Variants in ERICH1 observed in about 807,000 individuals in gnomAD.
The protein encoded by ERICH1 is glutamate-rich protein 1.
A neutral mutation model predicts 39.6 loss-of-function variants in ERICH1; 56 were observed. The ratio of observed to expected loss-of-function variants is 1.41; its 90% CI spans 1.14 to 1.77. The LOEUF (loss-of-function observed/expected upper bound fraction) is 1.77, where lower values mean the gene tolerates loss of function less well. Among genes scored for constraint, ERICH1 ranks in the 40% most tolerant of loss-of-function variants. The pLI is 0.00. For missense variants in ERICH1, 826 were observed against 575.4 expected (o/e 1.44, Z -4.45); for synonymous variants, 313 against 223.6 (o/e 1.40, Z -3.57).
intron 3 of ERICH1, among the ~76,000 whole-genome samples, chr8:687,391 C>T (rs917696706): frequency 1.3e-5 from 2 of 152,260 alleles, no homozygotes; most frequent in African/African-American, 2.4e-5. Flanking sequence ...GGATAAGGCT[C>T]CTCGGGGAAT....
downstream of ERICH1, among the ~76,000 whole-genome samples, chr8:660,814 C>CCTGTGCGAG (rs1801319372): frequency 6.6e-6 from 1 of 152,186 alleles, no homozygotes; most frequent in Admixed American, 6.5e-5. Flanking sequence ...GCTGCTTCCA[C>CCTGTGCGAG]CTGTGCTCCC....
At chr8:660,265 G>C (rs1201707752), downstream of ERICH1, among the ~76,000 whole-genome samples, 1 of 152,262 alleles carries the variant, frequency 6.6e-6, no homozygotes, top group Non-Finnish European at 1.5e-5. Flanking sequence ...CCTGTGATGA[G>C]GCTTGGCAGT....
At position 616,954 on chromosome 8, in the gene ERICH1, CAG is replaced by C. The variant is rs1326783895; in HGVS notation, c.977-1672_977-1671del. On this transcript the variant is annotated intron_variant, in intron 3 of 3. Coordinates refer to the ERICH1 transcript ENST00000522706. ...ACAGAGAGAGAGAGGGAGAGGGAGA[CAG>C]AGACACACAGAGAGAGAGAGAGAGA... Among the ~76,000 whole-genome samples the C allele has an allele frequency of 3.4e-3, 44 of 12,846 alleles. 15 individuals are homozygous for C. In the African/African-American group the frequency reaches 0.045, roughly 13 times the overall value. The allele number at this position is 12,846 out of a possible 152,430, so 8.4% of individuals were successfully genotyped here.
chr8:691,790 A>G (rs561669345), intron 3 of ERICH1, among the ~76,000 whole-genome samples: 5 of 152,340 alleles, frequency 3.3e-5, no homozygotes, highest in African/African-American at 1.2e-4. Flanking sequence ...TGTTTATAAT[A>G]TAGAGTTTCT....
intron 3 of ERICH1, among the ~76,000 whole-genome samples, chr8:620,009 G>A (rs1219557845): frequency 1.3e-5 from 2 of 152,112 alleles, no homozygotes; most frequent in Admixed American, 6.5e-5. Flanking sequence ...GGAATAATAA[G>A]GACATATACA....
At chr8:690,249 C>T (rs1808599239) in intron 3 of ERICH1, among the ~76,000 whole-genome samples, 3 of 152,358 alleles carry the variant, frequency 2.0e-5, no homozygotes, top group African/African-American at 7.2e-5. Context: ...AAAGCACCCA[C>T]AGTCTGTGCT....
chr8:692,309 C>T (rs963622480), intron 3 of ERICH1, among the ~76,000 whole-genome samples, 169 bp downstream of exon 3: 5 of 152,176 alleles, frequency 3.3e-5, no homozygotes, highest in East Asian at 1.9e-4. Flanking sequence ...CATCACTTTT[C>T]ACGGCTATAA....
chr8:655,133 G>A (rs540905785), intron 3 of ERICH1, among the ~76,000 whole-genome samples: 1 of 152,194 alleles, frequency 6.6e-6, no homozygotes, highest in Non-Finnish European at 1.5e-5. Context: ...CTCAGGCCAA[G>A]CCCACGCCAA....
intron 3 of ERICH1, chr8:626,296 A>G (rs1195074966): frequency 6.6e-6 from 1 of 152,206 alleles, no homozygotes; most frequent in Non-Finnish European, 1.5e-5. Context: ...AATTCTACTC[A>G]GAGCCAACTA....
intron 1 of ERICH1, among the ~76,000 whole-genome samples, chr8:719,086 C>A (rs1164636408): frequency 6.6e-6 from 1 of 152,192 alleles, no homozygotes; most frequent in Non-Finnish European, 1.5e-5. Flanking sequence ...CCACCGGGAG[C>A]CCAGGCCCTG....
In ERICH1 at chr8:664,373, G is replaced by A; in HGVS notation, c.*230C>T. The A allele has an allele frequency of 8.6e-7, 1 of 1,169,052 alleles. No homozygotes were observed. Among genetic ancestry groups the A allele is most frequent in the Non-Finnish European group, 1.1e-6 (1 of 947,632 alleles). The allele number at this position is 1,169,052 out of a possible 1,614,324, so 72.4% of individuals were successfully genotyped here. ...GTAGAGAAACAGAATCAAGTTTTAT[G>A]TAGTAATTCAAGATATATATAATTG... On this transcript the variant is annotated 3_prime_UTR_variant, in exon 6 of 6. Coordinates refer to ENST00000262109, the MANE Select transcript of ERICH1 (RefSeq NM_207332.3).
rs1318551317 is a variant in ERICH1 at position 646,623 on chromosome 8, G to A, written c.976+21975C>T. On this transcript the variant is annotated intron_variant, in intron 3 of 3. Transcript: ENST00000522706. ...GGTCCCGTGGCCGAGCCCCTTCCGCGAGGCTGGACGCTGATGGAGCCACAC... is the reference window on the plus strand; with the variant it reads ...GGTCCCGTGGCCGAGCCCCTTCCGCAAGGCTGGACGCTGATGGAGCCACAC... Among the ~76,000 whole-genome samples, 2 of 68,770 alleles carry A rather than the reference G, an allele frequency of 2.9e-5. 1 individual carries two copies. The highest frequency in any genetic ancestry group is 9.1e-5 in the Non-Finnish European group (2 of 21,890). The allele number at this position is 68,770 out of a possible 152,430, so 45.1% of individuals were successfully genotyped here.
intron 1 of ERICH1, among the ~76,000 whole-genome samples, chr8:720,271 A>G (rs985870544): frequency 6.6e-6 from 1 of 152,152 alleles, no homozygotes; most frequent in Non-Finnish European, 1.5e-5. Context: ...AAGGACGAGG[A>G]AACACACCTG....
intron 3 of ERICH1, among the ~76,000 whole-genome samples, chr8:629,247 G>A (rs967068419): frequency 6.6e-6 from 1 of 152,126 alleles, no homozygotes; most frequent in Non-Finnish European, 1.5e-5. Flanking sequence ...GCTACCCCAG[G>A]ATGCAGGTGG....
chr8:629,387 G>A (rs1379262591), intron 3 of ERICH1, among the ~76,000 whole-genome samples: 1 of 148,886 alleles, frequency 6.7e-6, no homozygotes, highest in African/African-American at 2.5e-5. Context: ...ACTCTCCTGT[G>A]ACCACCCACA....
chr8:730,651 C>T (rs796452065), intron 1 of ERICH1, among the ~76,000 whole-genome samples: 29 of 152,248 alleles, frequency 1.9e-4, no homozygotes, highest in African/African-American at 6.0e-4. Context: ...TAGGATGCGC[C>T]CCACACCTTA....
At position 673,485 on chromosome 8, in the gene ERICH1, G is replaced by C; in HGVS notation, c.867C>G (p.Asp289Glu). 6.2e-7 allele frequency: 1 copy of C among 1,612,788 alleles called. No homozygotes were observed. The highest frequency in any genetic ancestry group is 1.1e-5 in the South Asian group (1 of 91,000). Residue 289 changes from aspartate to glutamate, a missense_variant, in exon 4 of 6, where the codon GAC becomes GAG. Asp to Glu is a conservative substitution (Grantham distance 45). Coordinates refer to ENST00000262109, the MANE Select transcript of ERICH1 (RefSeq NM_207332.3). ...EEDLTRAGEE[D>E]GKDTREEDGA... ...CGTCCTCCTCCCTGGTGTCTTTACC[G>C]TCTTCCTCCCCGGCCCGTGTCAGGT...
At chr8:721,396 A>G (rs371503914) in intron 1 of ERICH1, among the ~76,000 whole-genome samples, 3 of 152,238 alleles carry the variant, frequency 2.0e-5, no homozygotes, top group Non-Finnish European at 2.9e-5. Context: ...TCCCAGCCCC[A>G]GAGATGAGAG....
chr8:658,320 C>A (rs892318592), intron 3 of ERICH1, among the ~76,000 whole-genome samples: 3 of 152,180 alleles, frequency 2.0e-5, no homozygotes, highest in Non-Finnish European at 4.4e-5. Context: ...GCCTGGCCTC[C>A]ACTGGGCCTC....
Sources: gnomAD v4.1 joint callset for allele counts (sites outside exome capture counted in the v4.1 genomes callset) on GRCh38, gnomAD v4.1.1 for gene constraint, MANE v1.5 for transcripts, NCBI Gene and HGNC (gene_info 2026-07-23, HGNC 2026-07-21) for gene names.